PCDHGB4: variants seen among roughly 807,000 people sequenced by gnomAD.
The protein encoded by PCDHGB4 is protocadherin gamma-B4.
Under a neutral mutation model 60.5 loss-of-function variants are expected in PCDHGB4, and 38 were observed. That is an observed-to-expected ratio of 0.63 (90% confidence interval 0.48 to 0.82). PCDHGB4 has a LOEUF of 0.82. Ranked by LOEUF, PCDHGB4 falls within the 40% of genes least tolerant of loss-of-function variation. The pLI is 0.00. For missense variants in PCDHGB4, 1,109 were observed against 1,209.6 expected, an observed-to-expected ratio of 0.92 and a Z score of 1.23; for synonymous variants, 456 against 509.7, an observed-to-expected ratio of 0.89 and a Z score of 1.42.
At chr5:141,505,352 C>CG in intron 2 of PCDHGB4, 41 bp from the exon 3 acceptor site, 1 of 1,613,302 alleles carries the variant, frequency 6.2e-7, no homozygotes, top group East Asian at 2.2e-5. Context: ...TGAGCTGTGC[C>CG]GGCCTGGGAG....
chr5:141,398,787 A>G, intron 1 of PCDHGB4: 2 of 1,613,902 alleles, frequency 1.2e-6, no homozygotes, highest in Non-Finnish European at 1.7e-6. Flanking sequence ...GTGGACATCC[A>G]CCCCTAAGCG....
chr5:141,508,777 AG>A (rs1428861784), intron 3 of PCDHGB4, among the ~76,000 whole-genome samples: 3 of 150,778 alleles, frequency 2.0e-5, no homozygotes, highest in Non-Finnish European at 4.4e-5. Context: ...TCCCCCCTCT[AG>A]CCCCTAAATC....
rs1315225126 is a variant in PCDHGB4 at position 141,487,926 on chromosome 5, A to G, written c.2398-6881A>G. The G allele has an allele frequency of 2.2e-5, 14 of 626,676 alleles. No individual in the cohort carries two copies. Among genetic ancestry groups the G allele is most frequent in the Non-Finnish European group, 3.9e-5 (14 of 359,988 alleles). The allele number at this position is 626,676 out of a possible 1,614,324, so 38.8% of individuals were successfully genotyped here. ...GTGGGAGCACAGGAGGCTACAGTGC[A>G]CAGGGTACAGTGCACCAGGCAGTCA... On this transcript the variant is annotated intron_variant, in intron 1 of 3. Coordinates refer to ENST00000519479, the MANE Select transcript of PCDHGB4 (RefSeq NM_003736.4). The surrounding 1 kb of genome is among the most constrained non-coding windows in gnomAD (Gnocchi z 5.0).
At chr5:141,401,548 G>T (rs1291544476) in intron 1 of PCDHGB4, among the ~76,000 whole-genome samples, 1 of 152,162 alleles carries the variant, frequency 6.6e-6, no homozygotes, top group Non-Finnish European at 1.5e-5. Context: ...AAAAGGAAAT[G>T]CTATTGCCTG....
chr5:141,403,377 T>G lies in PCDHGB4; in HGVS notation c.2397+13096T>G. 6.2e-7 allele frequency: 1 copy of G among 1,614,016 alleles called. No homozygotes were observed. The highest frequency in any genetic ancestry group is 8.5e-7 in the Non-Finnish European group (1 of 1,179,900). On this transcript the variant is annotated intron_variant, in intron 1 of 3. Transcript: ENST00000519479. ...CAGGCCGAAAGTCTGGAAGTAAAAA[T>G]TAACGAAATCGCGGTTCCTGGAGCA... is the stretch of plus-strand genomic sequence containing the variant.
intron 1 of PCDHGB4, among the ~76,000 whole-genome samples, chr5:141,438,641 C>T (rs1285585706): frequency 0.044 from 3,509 of 79,018 alleles, 123 homozygotes; most frequent in Non-Finnish European, 0.061. Flanking sequence ...TATATACACA[C>T]ACACACACAC....
intron 1 of PCDHGB4, chr5:141,417,914 C>T: frequency 6.2e-7 from 1 of 1,602,320 alleles, no homozygotes; most frequent in Non-Finnish European, 8.5e-7. Context: ...GGTACTATTT[C>T]CTTTGCTGCT....
At position 141,450,051 on chromosome 5, in the gene PCDHGB4, G is replaced by C. The variant is rs576363410; in HGVS notation, c.2398-44756G>C. ...AGACAGGGTCTCACTCTTTCGCCCA[G>C]GCTGGAATGCAGTGGTATGATCTTG... On this transcript the variant is annotated intron_variant, in intron 1 of 3. Coordinates refer to ENST00000519479, the MANE Select transcript of PCDHGB4 (RefSeq NM_003736.4). Among the ~76,000 whole-genome samples, 362 of 139,654 alleles carry C rather than the reference G, an allele frequency of 2.6e-3. 1 individual carries two copies. Among genetic ancestry groups the C allele is most frequent in the South Asian group, 5.5e-3 (25 of 4,506 alleles). 91.6% of individuals were successfully genotyped at this position (139,654 alleles called of 152,430 possible). A position where few individuals can be genotyped will look rare whatever the true frequency, so the allele number is the denominator to read the frequency against.
In PCDHGB4 at chr5:141,493,548, G is replaced by A. The variant is rs1243278355; in HGVS notation, c.2398-1259G>A. 3.9e-5 allele frequency among the ~76,000 whole-genome samples: 6 copies of A among 152,196 alleles called. No homozygotes were observed. ...AAACTTGGCCAGTTATCCTTTTGGA[G>A]ATTGAGTTCCCCCAGCTCCGTTTCC... On this transcript the variant is annotated intron_variant, in intron 1 of 3. Coordinates refer to ENST00000519479, the MANE Select transcript of PCDHGB4 (RefSeq NM_003736.4). This position sits in a 1 kb window ranked among gnomAD's most constrained non-coding sequence, Gnocchi z 4.3.
intron 1 of PCDHGB4, chr5:141,424,767 A>T (rs139479155): frequency 2.9e-4 from 44 of 152,290 alleles, no homozygotes; most frequent in African/African-American, 1.0e-3. Flanking sequence ...TTCTTATGGC[A>T]AATAGTACAT....
intron 1 of PCDHGB4, among the ~76,000 whole-genome samples, chr5:141,492,593 A>T (rs907659087): frequency 1.3e-5 from 2 of 152,100 alleles, no homozygotes; most frequent in African/African-American, 4.8e-5. Context: ...GGAGCGCTGG[A>T]GCGACTGCCG....
At chr5:141,495,392 G>A (rs2099760968) in intron 2 of PCDHGB4, among the ~76,000 whole-genome samples, 2 of 152,186 alleles carry the variant, frequency 1.3e-5, no homozygotes, top group Non-Finnish European at 2.9e-5. Context: ...GGCGGGGCAT[G>A]GAGCAGGCCC....
In PCDHGB4 at chr5:141,432,059, A is replaced by G. The variant is rs752124614; in HGVS notation, c.2397+41778A>G. The stretch of plus-strand genomic sequence containing the variant: ...TGACCGGGGAACCCCGCCCCTATCC[A>G]CGGAAACTCATATCTCGCTGAACGT... On this transcript the variant is annotated intron_variant, in intron 1 of 3. Coordinates refer to ENST00000519479, the MANE Select transcript of PCDHGB4 (RefSeq NM_003736.4). The surrounding 1 kb of genome is among the most constrained non-coding windows in gnomAD (Gnocchi z 6.0). 17 of 1,614,052 alleles carry G rather than the reference A, an allele frequency of 1.1e-5. No individual in the cohort carries two copies. The highest frequency in any genetic ancestry group is 1.3e-5 in the African/African-American group (1 of 74,918).
In PCDHGB4 at chr5:141,431,202, C is replaced by T. The variant is rs2097350864; in HGVS notation, c.2397+40921C>T. The stretch of plus-strand genomic sequence containing the variant: ...ATAAAAATTAGTGAAAATGCAGCCA[C>T]TGAGATGCGGTTCCCTCTACCCCAC... On this transcript the variant is annotated intron_variant, in intron 1 of 3. Coordinates refer to ENST00000519479, the MANE Select transcript of PCDHGB4 (RefSeq NM_003736.4). The surrounding 1 kb of genome is among the most constrained non-coding windows in gnomAD (Gnocchi z 4.8). 6.2e-7 allele frequency: 1 copy of T among 1,614,204 alleles called. No individual in the cohort carries two copies. Among genetic ancestry groups the T allele is most frequent in the Non-Finnish European group, 8.5e-7 (1 of 1,180,052 alleles).
intron 1 of PCDHGB4, chr5:141,419,383 C>A (rs1354675466): frequency 6.2e-7 from 1 of 1,613,698 alleles, no homozygotes; most frequent in South Asian, 1.1e-5. Context: ...TGTCCGTGAG[C>A]GCGCAGAGCG....
intron 3 of PCDHGB4, among the ~76,000 whole-genome samples, chr5:141,510,214 A>G (rs1047332886): frequency 6.6e-6 from 1 of 151,406 alleles, no homozygotes; most frequent in Non-Finnish European, 1.5e-5. Context: ...CAGAGGTTGC[A>G]GTGAGCCGGG....
rs761350249 is a variant in PCDHGB4 at position 141,418,909 on chromosome 5, G to A, written c.2397+28628G>A. Reference sequence around the variant, plus strand: ...ACAACAGCCCAGAAATAATCATCACGTCACTCTCTGATCAGATTATGGAGG... The same window carrying A: ...ACAACAGCCCAGAAATAATCATCACATCACTCTCTGATCAGATTATGGAGG... On this transcript the variant is annotated intron_variant, in intron 1 of 3. Coordinates refer to ENST00000519479, the MANE Select transcript of PCDHGB4 (RefSeq NM_003736.4). The A allele has an allele frequency of 1.9e-6, 3 of 1,613,906 alleles. No homozygotes were observed. In the Admixed American group the frequency reaches 5.0e-5, roughly 27 times the overall value.
chr5:141,388,784 T>A lies in PCDHGB4; in HGVS notation c.900T>A (p.Thr300=). Residue 300 remains threonine, a synonymous_variant, in exon 1 of 4, where the codon ACT becomes ACA. Transcript: ENST00000519479. Reference sequence around the variant, plus strand: ...TGAACTCTAACACCGGGGAAATTACTGTTTTAAATACATTAGATTTTGAAG... The same window carrying A: ...TGAACTCTAACACCGGGGAAATTACAGTTTTAAATACATTAGATTTTGAAG... ...FDLNSNTGEI[T]VLNTLDFEEV... is the part of the protein sequence containing the mutation. 1 of 1,613,942 alleles carries A rather than the reference T, an allele frequency of 6.2e-7. No homozygotes were observed. Among genetic ancestry groups the A allele is most frequent in the Non-Finnish European group, 8.5e-7 (1 of 1,179,826 alleles).
rs1036223789 is a variant in PCDHGB4, at chr5:141,511,298, G to A, written c.*125G>A. On this transcript the variant is annotated 3_prime_UTR_variant, in exon 4 of 4. Transcript: ENST00000519479. ...GAATACTGGTAGGGGCCAAGGCCAT[G>A]CTCCCCTTGGGAAACAGAAACAAGT... The A allele has an allele frequency of 4.7e-6, 7 of 1,502,412 alleles. No individual in the cohort carries two copies. In the African/African-American group the frequency reaches 8.4e-5, roughly 18 times the overall value. The allele number at this position is 1,502,412 out of a possible 1,614,324, so 93.1% of individuals were successfully genotyped here. A position where few individuals can be genotyped will look rare whatever the true frequency, so the allele number is the denominator to read the frequency against.
Sources: gnomAD v4.1 joint callset for allele counts (sites outside exome capture counted in the v4.1 genomes callset) on GRCh38, gnomAD v4.1.1 for gene constraint, Gnocchi (gnomAD v3.1) non-coding constraint, MANE v1.5 for transcripts, NCBI Gene and HGNC (gene_info 2026-07-23, HGNC 2026-07-21) for gene names.